HOXA13: variants seen among roughly 807,000 people sequenced by gnomAD.
HOXA13 encodes homeobox protein Hox-A13.
HOXA13 carries 5 observed loss-of-function variants against 25.7 expected under a neutral mutation model. That is an observed-to-expected ratio of 0.19 (90% CI 0.10 to 0.41). The LOEUF is 0.41. HOXA13 is among the 10% of genes least tolerant of loss of function. The pLI, the probability that HOXA13 is intolerant of heterozygous loss-of-function variation, is 1.00. For synonymous variants in HOXA13, 284 were observed against 241.1 expected, an observed-to-expected ratio of 1.18 and a Z score of -1.65; for missense variants, 557 against 533.5, an observed-to-expected ratio of 1.04 and a Z score of -0.43.
At chr7:27,198,544 T>C (rs1784034439) in intron 1 of HOXA13, 102 bp from the exon 2 acceptor site, 1 of 1,399,980 alleles carries the variant, frequency 7.1e-7, no homozygotes. Context: ...GCCCGGCTGC[T>C]CTTTGCCACC....
In HOXA13 at chr7:27,196,691, C is replaced by G. The variant is rs17501271; in HGVS notation, c.*1507G>C. On this transcript the variant is annotated 3_prime_UTR_variant, in exon 2 of 2. Transcript: ENST00000649031. ...ACCTGACACTTTAATCTCCTTGAAG[C>G]ACTTATCATTTTTTAGGATTTTAGT... The G allele has an allele frequency of 6.5e-3, 1,002 of 154,010 alleles. 7 individuals carry two copies. Among genetic ancestry groups the G allele is most frequent in the African/African-American group, 0.022 (935 of 41,630 alleles). The allele number at this position is 154,010 out of a possible 1,614,324, so 9.5% of individuals were successfully genotyped here.
Position 27,198,138 on chromosome 7 carries a change from G to T in HOXA13, c.*60C>A, listed in dbSNP as rs1784027591. 2.5e-6 allele frequency: 4 copies of T among 1,573,600 alleles called. No individual in the cohort carries two copies. Among genetic ancestry groups the T allele is most frequent in the Admixed American group, 3.4e-5 (2 of 59,670 alleles). On this transcript the variant is annotated 3_prime_UTR_variant, in exon 2 of 2. Coordinates refer to ENST00000649031, the MANE Select transcript of HOXA13 (RefSeq NM_000522.5). ...ATTAAGCATTATTATCATTATCTGGGCAAAGCAACGAGTTCTGAAGCGTTT... is the reference window on the plus strand; with the variant it reads ...ATTAAGCATTATTATCATTATCTGGTCAAAGCAACGAGTTCTGAAGCGTTT...
chr7:27,200,049 C>CG lies in HOXA13; in HGVS notation c.28dup (p.Arg10ProfsTer217). ...AAACATGACGGTGGGCTCGATCCAG[C>CG]GGGGGTGGAGGAGCACGGAGGCTGT... On this transcript the variant is annotated frameshift_variant, in exon 1 of 2. Transcript: ENST00000649031. LOFTEE classifies it high-confidence loss of function. 6.8e-7 allele frequency: 1 copy of CG among 1,477,996 alleles called. No individual in the cohort carries two copies. Among genetic ancestry groups the CG allele is most frequent in the Non-Finnish European group, 9.1e-7 (1 of 1,098,522 alleles). The allele number at this position is 1,477,996 out of a possible 1,614,324, so 91.6% of individuals were successfully genotyped here.
chr7:27,198,746 A>T (rs1178329765), intron 1 of HOXA13: 1 of 533,632 alleles, frequency 1.9e-6, no homozygotes, highest in Non-Finnish European at 3.4e-6. Flanking sequence ...CTCAAGGTAC[A>T]ACACTTCTGT....
At position 27,199,626 on chromosome 7, in the gene HOXA13, T is replaced by C; in HGVS notation, c.452A>G (p.Lys151Arg). The C allele has an allele frequency of 3.7e-6, 5 of 1,359,916 alleles. No individual in the cohort carries two copies. Among genetic ancestry groups the C allele is most frequent in the Non-Finnish European group, 4.7e-6 (5 of 1,064,610 alleles). The allele number at this position is 1,359,916 out of a possible 1,614,324, so 84.2% of individuals were successfully genotyped here. ...CGCTGCCGAGCAGGGGCTGCATTGC[T>C]TGGCGGCCTCTGCGCCCGCCGGGCC... ...PAGPAGAEAAKQCSPCSAAAQ... is the reference protein window; with the variant it reads ...PAGPAGAEAARQCSPCSAAAQ... The change falls in exon 1 of 2, where the codon AAG (lysine) becomes AGG (arginine). Residue 151 changes from lysine (K) to arginine (R), a missense_variant. By Grantham distance (26) the Lys-to-Arg change is conservative. Transcript: ENST00000649031.
rs1784025268 is a variant in HOXA13 at position 27,198,005 on chromosome 7, T to C, written c.*193A>G. ...CGGAAGAACTGGCAGTCTTTACCTT[T>C]CTTAAAGTTTTAAAACAGTTGTAGA... is the stretch of plus-strand genomic sequence containing the variant. On this transcript the variant is annotated 3_prime_UTR_variant, in exon 2 of 2. Transcript: ENST00000649031. The C allele has an allele frequency of 1.4e-6, 1 of 690,692 alleles. No homozygotes were observed. The highest frequency in any genetic ancestry group is 2.4e-6 in the Non-Finnish European group (1 of 413,546). The allele number at this position is 690,692 out of a possible 1,614,324, so 42.8% of individuals were successfully genotyped here.
rs773498524 is a variant in HOXA13, at chr7:27,199,229, G to A, written c.849C>T (p.Asn283=). The A allele has an allele frequency of 1.1e-5, 17 of 1,613,582 alleles. No individual in the cohort carries two copies. Among genetic ancestry groups the A allele is most frequent in the South Asian group, 3.3e-5 (3 of 91,066 alleles). ...MESYQPWALP[N]GWNGQMYCPK... The stretch of plus-strand genomic sequence containing the variant: ...GGCAGTACATTTGGCCGTTCCAGCC[G>A]TTGGGCAGCGCCCAGGGCTGGTAGC... Residue 283 remains asparagine, a synonymous_variant, in exon 1 of 2, where the codon AAC becomes AAT. Coordinates refer to ENST00000649031, the MANE Select transcript of HOXA13 (RefSeq NM_000522.5).
Position 27,197,339 on chromosome 7 carries a change from C to T in HOXA13, c.*859G>A, listed in dbSNP as rs757181. ...GAATTGTGTTCAAACCAAAGTCCAT[C>T]ATGTTGGGATGGAAACTCTCGGGAG... On this transcript the variant is annotated 3_prime_UTR_variant, in exon 2 of 2. Transcript: ENST00000649031. 181,899 of 211,918 alleles carry T rather than the reference C, an allele frequency of 0.86. 78,781 individuals are homozygous for T. Among genetic ancestry groups the T allele is most frequent in the Middle Eastern group, 0.96 (631 of 660 alleles). The allele number at this position is 211,918 out of a possible 1,614,324, so 13.1% of individuals were successfully genotyped here. A position where few individuals can be genotyped will look rare whatever the true frequency, so the allele number is the denominator to read the frequency against.
At position 27,199,803 on chromosome 7, in the gene HOXA13, G is replaced by T; in HGVS notation, c.275C>A (p.Ala92Glu). Residue 92 changes from alanine to glutamate, a missense_variant, in exon 1 of 2, where the codon GCG becomes GAG. Physicochemically the swap from Ala to Glu is moderately radical, Grantham distance 107 (BLOSUM62 -1). Transcript: ENST00000649031. ...AAANQCRNLM[A>E]HPAPLAPGAA... is the part of the protein sequence containing the mutation. ...TCCTGGCGCCAAGGGCGCCGGGTGC[G>T]CCATCAGGTTGCGGCACTGGTTGGC... 2.0e-6 allele frequency: 2 copies of T among 1,018,752 alleles called. No homozygotes were observed. The highest frequency in any genetic ancestry group is 2.4e-6 in the Non-Finnish European group (2 of 845,972). 63.1% of individuals were successfully genotyped at this position (1,018,752 alleles called of 1,614,324 possible). A position where few individuals can be genotyped will look rare whatever the true frequency, so the allele number is the denominator to read the frequency against.
chr7:27,196,217 AT>A lies in HOXA13; in HGVS notation c.*1980del, dbSNP rs1221494159. Reference sequence around the variant, plus strand: ...AAATGTATACATGTGTACACATATTATATATATTTACATATATACAGGGACA... The same window carrying A: ...AAATGTATACATGTGTACACATATTAATATATTTACATATATACAGGGACA... On this transcript the variant is annotated 3_prime_UTR_variant, in exon 2 of 2. Transcript: ENST00000649031. The A allele has an allele frequency of 6.6e-6, 1 of 152,256 alleles. No homozygotes were observed. Among genetic ancestry groups the A allele is most frequent in the Non-Finnish European group, 1.5e-5 (1 of 68,048 alleles). The allele number at this position is 152,256 out of a possible 1,614,324, so 9.4% of individuals were successfully genotyped here.
rs375825948 is a variant in HOXA13 at position 27,198,174 on chromosome 7, C to T, written c.*24G>A. On this transcript the variant is annotated 3_prime_UTR_variant, in exon 2 of 2. Transcript: ENST00000649031. ...AGTTCTGAAGCGTTTCTTCAAGTTG[C>T]CTTCTTGCTCTATTTTTAATCCATT... 23 of 1,613,468 alleles carry T rather than the reference C, an allele frequency of 1.4e-5. No homozygotes were observed. The highest frequency in any genetic ancestry group is 1.9e-5 in the Non-Finnish European group (23 of 1,179,628).
rs1784072496 is a variant in HOXA13, at chr7:27,199,895, C to A, written c.183G>T (p.Pro61=). The change falls in exon 1 of 2, where the codon CCG becomes CCT. Residue 61 remains proline, a synonymous_variant. Transcript: ENST00000649031. ...AGAGGGGFPH[P]AAAAAGGNFS... is the part of the protein sequence containing the mutation. ...AGTTGCCCCCTGCCGCCGCAGCCGCCGGGTGGGGGAAGCCCCCGCCCCCGG... is the reference window on the plus strand; with the variant it reads ...AGTTGCCCCCTGCCGCCGCAGCCGCAGGGTGGGGGAAGCCCCCGCCCCCGG... 1 of 1,094,354 alleles carries A rather than the reference C, an allele frequency of 9.1e-7. No individual in the cohort carries two copies. Among genetic ancestry groups the A allele is most frequent in the East Asian group, 5.0e-5 (1 of 19,888 alleles). The allele number at this position is 1,094,354 out of a possible 1,614,324, so 67.8% of individuals were successfully genotyped here.
At position 27,198,047 on chromosome 7, in the gene HOXA13, G is replaced by A. The variant is rs1784025761; in HGVS notation, c.*151C>T. ...AGTTGTAGATTCCATTAAAGAGAAA[G>A]AGATCTCCTTCGGGAGAGGAAAATG... is the stretch of plus-strand genomic sequence containing the variant. On this transcript the variant is annotated 3_prime_UTR_variant, in exon 2 of 2. Transcript: ENST00000649031. 1.1e-6 allele frequency: 1 copy of A among 880,614 alleles called. No individual in the cohort carries two copies. 54.6% of individuals were successfully genotyped at this position (880,614 alleles called of 1,614,324 possible). A position where few individuals can be genotyped will look rare whatever the true frequency, so the allele number is the denominator to read the frequency against.
In HOXA13 at chr7:27,197,859, G is replaced by A; in HGVS notation, c.*339C>T. The A allele has an allele frequency of 2.4e-6, 1 of 412,834 alleles. No homozygotes were observed. The highest frequency in any genetic ancestry group is 4.4e-6 in the Non-Finnish European group (1 of 225,096). The allele number at this position is 412,834 out of a possible 1,614,324, so 25.6% of individuals were successfully genotyped here. ...CCAGATTATTACCATCTAACGCAGT[G>A]TCCTAAAATGTAACGATCACTTAAA... On this transcript the variant is annotated 3_prime_UTR_variant, in exon 2 of 2. Coordinates refer to ENST00000649031, the MANE Select transcript of HOXA13 (RefSeq NM_000522.5).
rs192009497 is a variant in HOXA13, at chr7:27,195,621, A to C, written c.*2577T>G. ...TTAAACATATTTATTTATCCTACAA[A>C]TCAAATGGCAGATTCACAAGCATCA... On this transcript the variant is annotated 3_prime_UTR_variant, in exon 2 of 2. Transcript: ENST00000649031. The C allele has an allele frequency of 7.9e-5, 12 of 152,306 alleles. No homozygotes were observed. Among genetic ancestry groups the C allele is most frequent in the Admixed American group, 4.6e-4 (7 of 15,298 alleles). The allele number at this position is 152,306 out of a possible 1,614,324, so 9.4% of individuals were successfully genotyped here. A position where few individuals can be genotyped will look rare whatever the true frequency, so the allele number is the denominator to read the frequency against.
At position 27,199,508 on chromosome 7, in the gene HOXA13, G is replaced by A; in HGVS notation, c.570C>T (p.Ala190=). The A allele has an allele frequency of 6.2e-7, 1 of 1,605,498 alleles. No homozygotes were observed. ...AGGCGGGCTGCGCGCACGACTTGAT[G>A]GCGTTGGGGTGCGGGCCCATGCGGG... The part of the protein sequence containing the change: ...PCARMGPHPN[A]IKSCAQPASA... The change falls in exon 1 of 2, where the codon GCC becomes GCT. Residue 190 remains alanine (A), a synonymous_variant. Coordinates refer to ENST00000649031, the MANE Select transcript of HOXA13 (RefSeq NM_000522.5).
At chr7:27,198,937 T>G (rs1583448141) in intron 1 of HOXA13, among the ~76,000 whole-genome samples, 1 of 148,284 alleles carries the variant, frequency 6.7e-6, no homozygotes, top group Non-Finnish European at 1.5e-5. Context: ...CTAGCCGAGG[T>G]CTCCACAAGC....
At position 27,196,787 on chromosome 7, in the gene HOXA13, C is replaced by G. The variant is rs909571654; in HGVS notation, c.*1411G>C. 23 of 167,864 alleles carry G rather than the reference C, an allele frequency of 1.4e-4. No homozygotes were observed. The highest frequency in any genetic ancestry group is 4.5e-4 in the African/African-American group (19 of 42,106). The allele number at this position is 167,864 out of a possible 1,614,324, so 10.4% of individuals were successfully genotyped here. A position where few individuals can be genotyped will look rare whatever the true frequency, so the allele number is the denominator to read the frequency against. The stretch of plus-strand genomic sequence containing the variant: ...GTACTGAATAATAATAAAGAATGGT[C>G]CTTGGTTTATATAAGATAAACCTGC... On this transcript the variant is annotated 3_prime_UTR_variant, in exon 2 of 2. Transcript: ENST00000649031.
chr7:27,199,959 G>A lies in HOXA13; in HGVS notation c.119C>T (p.Ala40Val). 1 of 1,365,754 alleles carries A rather than the reference G, an allele frequency of 7.3e-7. No homozygotes were observed. The highest frequency in any genetic ancestry group is 9.6e-7 in the Non-Finnish European group (1 of 1,039,668). 84.6% of individuals were successfully genotyped at this position (1,365,754 alleles called of 1,614,324 possible). Residue 40 changes from alanine (A) to valine (V), a missense_variant, in exon 1 of 2, where the codon GCG becomes GTG. Transcript: ENST00000649031. Reference protein sequence around the residue: ...ELNKNMEGAAAAAAAAAAAAA... With the variant: ...ELNKNMEGAAVAAAAAAAAAA... ...CGCCGCTGCAGCCGCTGCTGCAGCC[G>A]CCGCCGCCCCTTCCATGTTCTTGTT...
Sources: allele counts gnomAD v4.1 joint callset (sites outside exome capture counted in the v4.1 genomes callset), GRCh38; gene constraint gnomAD v4.1.1; transcripts MANE v1.5; gene names NCBI Gene and HGNC (gene_info 2026-07-23, HGNC 2026-07-21).